The following RALA variants were observed in gnomAD, a reference collection of about 807,000 sequenced individuals.
RALA encodes the protein RAS like proto-oncogene A, also known as ras-related protein Ral-A.
A neutral mutation model predicts 24.0 loss-of-function variants in RALA; 5 were observed. The ratio of observed to expected loss-of-function variants is 0.21; its 90% CI spans 0.11 to 0.44. The LOEUF is 0.44. RALA is among the 20% of genes least tolerant of loss of function. RALA has a pLI of 0.99. For synonymous variants in RALA, 77 were observed against 83.8 expected, an observed-to-expected ratio of 0.92 and a Z score of 0.44; for missense variants, 95 against 241.2, an observed-to-expected ratio of 0.39 and a Z score of 4.01.
chr7:39,654,120 T>C (rs751330522), intron 1 of RALA, among the ~76,000 whole-genome samples: 7 of 152,222 alleles, frequency 4.6e-5, no homozygotes, highest in African/African-American at 1.2e-4. Flanking sequence ...TCTTTACCTT[T>C]ATGTACACAG....
intron 3 of RALA, among the ~76,000 whole-genome samples, chr7:39,691,863 A>G (rs1407970430): frequency 2.0e-5 from 3 of 152,238 alleles, no homozygotes; most frequent in African/African-American, 7.2e-5. Context: ...CATTCAGCAG[A>G]TATTTGAGTG....
intron 1 of RALA, among the ~76,000 whole-genome samples, chr7:39,667,206 AT>A (rs1792299378): frequency 6.6e-6 from 1 of 152,064 alleles, no homozygotes; most frequent in African/African-American, 2.4e-5. Context: ...ATGTCTTGGA[AT>A]TTTTTTTATA....
chr7:39,638,844 T>C (rs185650948), intron 1 of RALA, among the ~76,000 whole-genome samples: 16 of 152,364 alleles, frequency 1.1e-4, no homozygotes, highest in Admixed American at 7.8e-4. Context: ...GTACAAGTCT[T>C]TGTGTGGACA....
intron 1 of RALA, among the ~76,000 whole-genome samples, chr7:39,647,413 C>A (rs1219692240): frequency 6.6e-6 from 1 of 152,144 alleles, no homozygotes; most frequent in Non-Finnish European, 1.5e-5. Flanking sequence ...TGTTTCTGAT[C>A]AAAAGGTTCT....
chr7:39,678,099 C>T (rs1487306475), intron 1 of RALA, among the ~76,000 whole-genome samples: 59 of 149,462 alleles, frequency 3.9e-4, no homozygotes, highest in Non-Finnish European at 5.5e-4. Flanking sequence ...TGCTAGATGA[C>T]GCGTTAGTGG....
chr7:39,687,168 G>A (rs1002532300), intron 2 of RALA, among the ~76,000 whole-genome samples: 6 of 152,100 alleles, frequency 3.9e-5, no homozygotes, highest in African/African-American at 7.2e-5. Context: ...GGTGGCTCAC[G>A]CCTAATCCCA....
chr7:39,647,891 C>A (rs1405726629), intron 1 of RALA, among the ~76,000 whole-genome samples: 4 of 152,208 alleles, frequency 2.6e-5, no homozygotes, highest in African/African-American at 7.2e-5. Context: ...ATGAAAATTT[C>A]TTCCTGCTTT....
At chr7:39,702,476 T>C (rs1793046375) in intron 4 of RALA, among the ~76,000 whole-genome samples, 1 of 152,268 alleles carries the variant, frequency 6.6e-6, no homozygotes. Context: ...TGTCACTGCA[T>C]ATAGATGTAT....
At chr7:39,680,124 C>T (rs1220440505) in intron 1 of RALA, among the ~76,000 whole-genome samples, 1 of 152,102 alleles carries the variant, frequency 6.6e-6, no homozygotes, top group Non-Finnish European at 1.5e-5. Context: ...AGTCCCAACA[C>T]TTTGGGAGGC....
At chr7:39,635,002 A>G (rs1791662151) in intron 1 of RALA, among the ~76,000 whole-genome samples, 1 of 152,014 alleles carries the variant, frequency 6.6e-6, no homozygotes, top group African/African-American at 2.4e-5. Flanking sequence ...AATCTTCTTT[A>G]TAATAACAGA....
intron 1 of RALA, among the ~76,000 whole-genome samples, chr7:39,674,614 T>G (rs1792446840): frequency 6.6e-6 from 1 of 152,192 alleles, no homozygotes; most frequent in South Asian, 2.1e-4. Flanking sequence ...GCTTTCCCTG[T>G]GCTCTGAGAC....
intron 1 of RALA, among the ~76,000 whole-genome samples, chr7:39,669,192 T>C (rs957154413): frequency 2.3e-4 from 35 of 152,136 alleles, no homozygotes; most frequent in African/African-American, 8.4e-4. Context: ...TGTATAAGAA[T>C]TTAATACATC....
At chr7:39,663,288 A>G (rs561354637) in intron 1 of RALA, among the ~76,000 whole-genome samples, 2 of 152,356 alleles carry the variant, frequency 1.3e-5, no homozygotes, top group South Asian at 2.1e-4. Context: ...AGTGTAGTGC[A>G]TATGATACTA....
At chr7:39,655,618 T>A (rs980250415) in intron 1 of RALA, among the ~76,000 whole-genome samples, 2 of 152,338 alleles carry the variant, frequency 1.3e-5, no homozygotes, top group Non-Finnish European at 2.9e-5. Flanking sequence ...AACTCCAGTT[T>A]ATTGTTCTTC....
At chr7:39,678,084 C>T (rs1792520842) in intron 1 of RALA, among the ~76,000 whole-genome samples, 1 of 149,652 alleles carries the variant, frequency 6.7e-6, no homozygotes, top group South Asian at 2.1e-4. Flanking sequence ...GGGAGATATA[C>T]CTAATGCTAG....
At chr7:39,666,283 A>G (rs1792286207) in intron 1 of RALA, among the ~76,000 whole-genome samples, 1 of 152,186 alleles carries the variant, frequency 6.6e-6, no homozygotes, top group Non-Finnish European at 1.5e-5. Context: ...AGTTATATAT[A>G]ATGAATATAT....
chr7:39,675,827 C>T (rs1792477697), intron 1 of RALA, among the ~76,000 whole-genome samples: 1 of 151,160 alleles, frequency 6.6e-6, no homozygotes, highest in Non-Finnish European at 1.5e-5. Flanking sequence ...TTTATATTAC[C>T]TGTGTTTTTT....
intron 3 of RALA, among the ~76,000 whole-genome samples, chr7:39,694,250 G>A (rs1220026393): frequency 1.3e-5 from 2 of 152,208 alleles, no homozygotes; most frequent in Non-Finnish European, 2.9e-5. Flanking sequence ...TTGAGAACTA[G>A]TGATGTCTTA....
intron 1 of RALA, among the ~76,000 whole-genome samples, chr7:39,633,240 T>A (rs999890872): frequency 2.0e-5 from 3 of 152,268 alleles, no homozygotes; most frequent in African/African-American, 7.2e-5. Flanking sequence ...GTTCTCGCAC[T>A]GCTATAAAGA....
Sources: allele counts gnomAD v4.1 joint callset (sites outside exome capture counted in the v4.1 genomes callset), GRCh38; gene constraint gnomAD v4.1.1; transcripts MANE v1.5; gene names NCBI Gene and HGNC (gene_info 2026-07-23, HGNC 2026-07-21).